Variants in NDUFAF7 observed in about 807,000 individuals in gnomAD.
NDUFAF7 encodes NADH:ubiquinone oxidoreductase complex assembly factor 7, also known as protein arginine methyltransferase NDUFAF7, mitochondrial.
Under a neutral mutation model 47.2 loss-of-function variants are expected in NDUFAF7, and 48 were observed. The ratio of observed to expected loss-of-function variants is 1.02; its 90% CI spans 0.81 to 1.29. The LOEUF (loss-of-function observed/expected upper bound fraction) is 1.29. Ranked by LOEUF, NDUFAF7 falls within the 50% of genes most tolerant of loss-of-function variation. NDUFAF7 has a pLI of 0.00. For synonymous variants in NDUFAF7, 217 were observed against 190.0 expected, an observed-to-expected ratio of 1.14 and a Z score of -1.17; for missense variants, 635 against 537.6, an observed-to-expected ratio of 1.18 and a Z score of -1.79.
rs1319379185 is a variant in NDUFAF7, at chr2:37,248,219, GGAGA to G, written c.1200_1203del (p.Glu400AspfsTer32). On this transcript the variant is annotated frameshift_variant, in exon 10 of 10. Transcript: ENST00000002125. LOFTEE classifies it low-confidence loss of function (END_TRUNC). Reference sequence around the variant, plus strand: ...TATGTTAATGAATCCAAAGAAGATGGGAGAGAGATTTAACTTTTTTGCCTTGCTA... The same window carrying G: ...TATGTTAATGAATCCAAAGAAGATGGGAGATTTAACTTTTTTGCCTTGCTA... The G allele has an allele frequency of 1.6e-5, 26 of 1,613,742 alleles. No homozygotes were observed. The highest frequency in any genetic ancestry group is 2.7e-5 in the African/African-American group (2 of 74,892).
At chr2:37,246,244 T>C in intron 8 of NDUFAF7, 49 bp downstream of exon 8, 1 of 1,594,038 alleles carries the variant, frequency 6.3e-7, no homozygotes. Context: ...GTGTTAGATC[T>C]GAAGCCCATT....
chr2:37,235,894 G>A (rs775995696), intron 2 of NDUFAF7, among the ~76,000 whole-genome samples: 3 of 152,002 alleles, frequency 2.0e-5, no homozygotes, highest in Non-Finnish European at 2.9e-5. Flanking sequence ...TCCTGACTTC[G>A]TGATCCACCC....
Position 37,243,906 on chromosome 2 carries a change from C to T in NDUFAF7, c.725C>T (p.Pro242Leu). 6.2e-7 allele frequency: 1 copy of T among 1,614,010 alleles called. No individual in the cohort carries two copies. The change falls in exon 7 of 10, where the codon CCA becomes CTA. Residue 242 changes from proline to leucine, a missense_variant. Coordinates refer to ENST00000002125, the MANE Select transcript of NDUFAF7 (RefSeq NM_144736.5). The stretch of plus-strand genomic sequence containing the variant: ...CGAGAAGTATTTGTTGACATTGATC[C>T]ACAGGTTTCTGATAAACTGAGGTTT... ...GWREVFVDIDPQVSDKLRFVL... is the reference protein window; with the variant it reads ...GWREVFVDIDLQVSDKLRFVL...
the NDUFAF7 span, among the ~76,000 whole-genome samples, chr2:37,271,083 C>A: frequency 1.3e-5 from 2 of 152,302 alleles, no homozygotes; most frequent in Admixed American, 1.3e-4. Context: ...TACTAGAGTC[C>A]AATCTTCATT....
At chr2:37,245,611 T>C (rs551823742) in intron 7 of NDUFAF7, among the ~76,000 whole-genome samples, 7 of 152,334 alleles carry the variant, frequency 4.6e-5, no homozygotes, top group Admixed American at 2.0e-4. Context: ...CTTCGTGTTA[T>C]TGGATTTATA....
At chr2:37,267,361 A>G in the NDUFAF7 span, 55 of 1,104,610 alleles carry the variant, frequency 5.0e-5, no homozygotes, top group African/African-American at 3.4e-4. Context: ...AAAAAAAAAA[A>G]AGAGAAGCAG....
the NDUFAF7 span, among the ~76,000 whole-genome samples, chr2:37,259,297 C>T: frequency 6.6e-6 from 1 of 152,238 alleles, no homozygotes; most frequent in Non-Finnish European, 1.5e-5. Flanking sequence ...GTACCATGCA[C>T]CAACCAAGGT....
chr2:37,259,536 T>C, the NDUFAF7 span: 3 of 1,453,126 alleles, frequency 2.1e-6, no homozygotes, highest in East Asian at 2.3e-5. Flanking sequence ...GTGGGTGCTT[T>C]GAAAATGTTG....
At chr2:37,264,004 ACAC>A in the NDUFAF7 span, among the ~76,000 whole-genome samples, 7 of 152,166 alleles carry the variant, frequency 4.6e-5, no homozygotes, top group Non-Finnish European at 1.0e-4. Context: ...ACCTACAAGA[ACAC>A]CACACCTTTT....
chr2:37,236,097 G>A lies in NDUFAF7; in HGVS notation c.218G>A (p.Gly73Asp). ...TCTCTATTTTCTCTTTTTACTCAGG[G>A]TTATTATGTGTACCGTGACATGCTA... The part of the protein sequence containing the change: ...MKEVLTNPAK[G>D]YYVYRDMLGE... Residue 73 changes from glycine (G) to aspartate (D), a missense_variant and splice_region_variant, in exon 3 of 10, where the codon GGT becomes GAT. Physicochemically the swap from Gly to Asp is moderately conservative, Grantham distance 94 (BLOSUM62 -1). Coordinates refer to ENST00000002125, the MANE Select transcript of NDUFAF7 (RefSeq NM_144736.5). 1 of 1,611,326 alleles carries A rather than the reference G, an allele frequency of 6.2e-7. No individual in the cohort carries two copies.
At position 37,231,662 on chromosome 2, in the gene NDUFAF7, A is replaced by G. The variant is rs1182021806; in HGVS notation, c.-44A>G. On this transcript the variant is annotated 5_prime_UTR_variant, in exon 1 of 10. Transcript: ENST00000002125. ...GCGTGTCTTCTCCCGGAAATGGTCT[A>G]AGCCCCAGCTCCTGGCGGAGCGAGC... is the stretch of plus-strand genomic sequence containing the variant. The G allele has an allele frequency of 1.9e-6, 3 of 1,613,974 alleles. No individual in the cohort carries two copies. Among genetic ancestry groups the G allele is most frequent in the East Asian group, 2.2e-5 (1 of 44,884 alleles).
At chr2:37,251,602 T>A (rs556017911), downstream of NDUFAF7, 1 of 152,350 alleles carries the variant, frequency 6.6e-6, no homozygotes, top group African/African-American at 2.4e-5. Flanking sequence ...AGTCTGTTCA[T>A]GTACCAGAAC....
intron 8 of NDUFAF7, among the ~76,000 whole-genome samples, 168 bp downstream of exon 8, chr2:37,246,363 C>T (rs866974888): frequency 6.6e-6 from 1 of 152,216 alleles, no homozygotes; most frequent in African/African-American, 2.4e-5. Context: ...TTACTGCTAA[C>T]ACTGAGTCTA....
At chr2:37,265,345 TGAG>T in the NDUFAF7 span, among the ~76,000 whole-genome samples, 1 of 152,176 alleles carries the variant, frequency 6.6e-6, no homozygotes, top group Non-Finnish European at 1.5e-5. Flanking sequence ...TTTCAGTAAA[TGAG>T]GTGTGATTTT....
At chr2:37,256,662 C>CTT, downstream of NDUFAF7, 1 of 911,558 alleles carries the variant, frequency 1.1e-6, no homozygotes, top group South Asian at 2.2e-5. Context: ...TTTTTTTTAC[C>CTT]TTCACCAGAA....
intron 2 of NDUFAF7, among the ~76,000 whole-genome samples, chr2:37,234,850 G>A (rs1231158851): frequency 1.3e-5 from 2 of 152,102 alleles, no homozygotes; most frequent in Admixed American, 6.6e-5. Flanking sequence ...AGGTGGGGAT[G>A]GGAAGCTGAG....
chr2:37,236,946 C>A (rs1665854087), intron 3 of NDUFAF7, among the ~76,000 whole-genome samples: 1 of 152,058 alleles, frequency 6.6e-6, no homozygotes, highest in African/African-American at 2.4e-5. Flanking sequence ...ATGATTTTAG[C>A]CGTACTTACA....
intron 3 of NDUFAF7, among the ~76,000 whole-genome samples, chr2:37,236,780 C>CAAA (rs557865044): frequency 1.2e-4 from 12 of 97,052 alleles, no homozygotes; most frequent in Admixed American, 1.2e-3. Flanking sequence ...AACTCCGTCT[C>CAAA]AAAAAAAAAA....
downstream of NDUFAF7, chr2:37,253,031 G>A (rs919532371): frequency 8.4e-6 from 6 of 715,354 alleles, no homozygotes; most frequent in African/African-American, 9.1e-5. Context: ...TACTCATTAT[G>A]AACTACAGTA....
Sources: gnomAD v4.1 joint callset for allele counts (sites outside exome capture counted in the v4.1 genomes callset) on GRCh38, gnomAD v4.1.1 for gene constraint, MANE v1.5 for transcripts, NCBI Gene and HGNC (gene_info 2026-07-23, HGNC 2026-07-21) for gene names.